ERGIC1: variants seen among roughly 807,000 people sequenced by gnomAD.
The protein encoded by ERGIC1 is endoplasmic reticulum-Golgi intermediate compartment protein 1.
In ERGIC1, 19 loss-of-function variants were observed where a neutral mutation model predicts 38.3. That is an observed-to-expected ratio of 0.50 (90% CI 0.35 to 0.73). The LOEUF (loss-of-function observed/expected upper bound fraction) is 0.73. Ranked by LOEUF, ERGIC1 falls within the 30% of genes least tolerant of loss-of-function variation. The pLI is 0.01. For missense variants in ERGIC1, 294 were observed against 389.2 expected (o/e 0.76, Z 2.06); for synonymous variants, 124 against 157.6 (o/e 0.79, Z 1.60).
intron 4 of ERGIC1, among the ~76,000 whole-genome samples, chr5:172,914,248 A>AT (rs752157056): frequency 0.051 from 7,519 of 148,838 alleles, 256 homozygotes; most frequent in African/African-American, 0.083. Flanking sequence ...AAAAAAAAAA[A>AT]AAAAAAAAAT....
At chr5:172,949,938 T>C (rs1454212717) in intron 9 of ERGIC1, among the ~76,000 whole-genome samples, 2 of 152,074 alleles carry the variant, frequency 1.3e-5, no homozygotes, top group Non-Finnish European at 2.9e-5. Flanking sequence ...CCAGGCGCGG[T>C]GGCAGGCAGC....
intron 1 of ERGIC1, among the ~76,000 whole-genome samples, chr5:172,887,649 T>C (rs1762455879): frequency 6.6e-6 from 1 of 152,182 alleles, no homozygotes; most frequent in Non-Finnish European, 1.5e-5. Flanking sequence ...TCTGTCTGAT[T>C]TCCAAAACCC....
At chr5:172,938,097 G>C (rs1205822023) in intron 9 of ERGIC1, 3 of 152,144 alleles carry the variant, frequency 2.0e-5, no homozygotes, top group Non-Finnish European at 2.9e-5. Flanking sequence ...CAGGGACATG[G>C]GTACAGCTAC....
rs71611154 is a variant in ERGIC1, at chr5:172,881,378, A to G, written c.21-7321A>G. Reference sequence around the variant, plus strand: ...TTATCTTAGTCTCATGTTTAAGGCTATCCAGTGGGCCTTATGCTTGTGCAG... The same window carrying G: ...TTATCTTAGTCTCATGTTTAAGGCTGTCCAGTGGGCCTTATGCTTGTGCAG... On this transcript the variant is annotated intron_variant, in intron 1 of 9. Transcript: ENST00000393784. 3.8e-3 allele frequency among the ~76,000 whole-genome samples: 583 copies of G among 152,296 alleles called. 4 individuals carry two copies. Among genetic ancestry groups the G allele is most frequent in the Non-Finnish European group, 6.7e-3 (456 of 68,022 alleles).
chr5:172,907,515 G>A (rs1207738722), intron 3 of ERGIC1, among the ~76,000 whole-genome samples: 3 of 151,702 alleles, frequency 2.0e-5, no homozygotes, highest in Non-Finnish European at 4.4e-5. Context: ...CCGAGATCGC[G>A]CCACTGCACT....
At chr5:172,866,286 A>G (rs1259655630) in intron 1 of ERGIC1, among the ~76,000 whole-genome samples, 1 of 152,036 alleles carries the variant, frequency 6.6e-6, no homozygotes. Context: ...TGTGGGAGGG[A>G]GATGCTCACA....
intron 1 of ERGIC1, chr5:172,867,447 T>G (rs186705387): frequency 3.8e-5 from 15 of 398,688 alleles, no homozygotes; most frequent in African/African-American, 2.7e-4. Flanking sequence ...TTCCACTCCT[T>G]GGAGGCCGCA....
rs1762772583 is a variant in ERGIC1, at chr5:172,898,175, T to G, written c.155+1101T>G. The G allele has an allele frequency of 2.9e-5, 9 of 312,054 alleles. No individual in the cohort carries two copies. The East Asian group carries it at 4.5e-4, about 15-fold the overall frequency. The allele number at this position is 312,054 out of a possible 1,614,324, so 19.3% of individuals were successfully genotyped here. On this transcript the variant is annotated intron_variant, in intron 3 of 9. Coordinates refer to ENST00000393784, the MANE Select transcript of ERGIC1 (RefSeq NM_001031711.3). Reference sequence around the variant, plus strand: ...TTTCTTTTTCACTAATGGGATTTCTTGGTTTCCTTTGCCTCCACTCAGCCA... The same window carrying G: ...TTTCTTTTTCACTAATGGGATTTCTGGGTTTCCTTTGCCTCCACTCAGCCA...
intron 1 of ERGIC1, among the ~76,000 whole-genome samples, chr5:172,880,725 T>A (rs2113219055): frequency 6.6e-6 from 1 of 152,334 alleles, no homozygotes; most frequent in Admixed American, 6.5e-5. Flanking sequence ...AGCGAACGGG[T>A]TGGACACAGT....
chr5:172,866,776 A>G (rs577027536), intron 1 of ERGIC1, among the ~76,000 whole-genome samples: 11 of 152,330 alleles, frequency 7.2e-5, no homozygotes, highest in African/African-American at 2.2e-4. Context: ...TGTCTAGTGG[A>G]GGCACGGGCG....
At position 172,844,500 on chromosome 5, in the gene ERGIC1, C is replaced by T. The variant is rs551039583; in HGVS notation, c.20+10067C>T. Among the ~76,000 whole-genome samples the T allele has an allele frequency of 1.5e-4, 23 of 152,354 alleles. No individual in the cohort carries two copies. In the South Asian group the frequency reaches 2.3e-3, roughly 15 times the overall value. On this transcript the variant is annotated intron_variant, in intron 1 of 9. Transcript: ENST00000393784. ...GACAGGCAGGGTGCCGCCTCTGTGTCGCACATGGCAGTGTGACCAGGACAA... is the reference window on the plus strand; with the variant it reads ...GACAGGCAGGGTGCCGCCTCTGTGTTGCACATGGCAGTGTGACCAGGACAA...
chr5:172,931,321 A>G (rs1021475399), intron 7 of ERGIC1: 1 of 152,232 alleles, frequency 6.6e-6, no homozygotes, highest in Non-Finnish European at 1.5e-5. Context: ...CACGCTTATC[A>G]GCAGCTGATT....
At chr5:172,929,171 G>GTA (rs1554113631) in intron 7 of ERGIC1, among the ~76,000 whole-genome samples, 12 of 151,586 alleles carry the variant, frequency 7.9e-5, no homozygotes, top group South Asian at 4.2e-4. Context: ...GTGTGTGTGT[G>GTA]TATATAAGTA....
chr5:172,885,478 G>A (rs1200268908), intron 1 of ERGIC1, among the ~76,000 whole-genome samples: 3 of 152,028 alleles, frequency 2.0e-5, no homozygotes, highest in Admixed American at 6.6e-5. Context: ...TCTGCTTGTC[G>A]GTCCCTGATG....
chr5:172,850,975 G>A (rs1294528583), intron 1 of ERGIC1, among the ~76,000 whole-genome samples: 3 of 151,998 alleles, frequency 2.0e-5, no homozygotes, highest in African/African-American at 4.8e-5. Context: ...TGAGGTGAGC[G>A]GATCACTTGA....
chr5:172,883,344 G>A (rs1339713500), intron 1 of ERGIC1, among the ~76,000 whole-genome samples: 2 of 152,124 alleles, frequency 1.3e-5, no homozygotes, highest in South Asian at 2.1e-4. Flanking sequence ...TTCTTCAGGT[G>A]TCCCCTGATG....
chr5:172,838,392 G>GCTGC (rs1761083493), intron 1 of ERGIC1, among the ~76,000 whole-genome samples: 1 of 152,162 alleles, frequency 6.6e-6, no homozygotes, highest in Non-Finnish European at 1.5e-5. Context: ...ATGCGGCCCT[G>GCTGC]ATGGGGCTGG....
chr5:172,900,709 C>CAAA (rs1171493535), intron 3 of ERGIC1, among the ~76,000 whole-genome samples: 1 of 112,742 alleles, frequency 8.9e-6, no homozygotes, highest in Non-Finnish European at 1.9e-5. Flanking sequence ...GACCCTATCT[C>CAAA]AAAAAAAAAA....
intron 1 of ERGIC1, among the ~76,000 whole-genome samples, chr5:172,836,380 C>T (rs1444934885): frequency 6.6e-6 from 1 of 152,168 alleles, no homozygotes; most frequent in Non-Finnish European, 1.5e-5. Context: ...TCTGGGGCTC[C>T]CTTGGCATAC....
Sources: gnomAD v4.1 joint callset for allele counts (sites outside exome capture counted in the v4.1 genomes callset) on GRCh38, gnomAD v4.1.1 for gene constraint, MANE v1.5 for transcripts, NCBI Gene and HGNC (gene_info 2026-07-23, HGNC 2026-07-21) for gene names.